TRIO: variants seen among roughly 807,000 people sequenced by gnomAD.
TRIO encodes the protein trio Rho guanine nucleotide exchange factor, also known as triple functional domain protein.
In TRIO, 58 loss-of-function variants were observed where a neutral mutation model predicts 351.9. That is an observed-to-expected ratio of 0.16 (90% CI 0.13 to 0.21). The LOEUF (loss-of-function observed/expected upper bound fraction) is 0.21. TRIO is among the 10% of genes least tolerant of loss of function. The probability of loss-of-function intolerance (pLI) is 1.00; values close to 1 mark genes in which losing one functional copy is unlikely to be tolerated. For synonymous variants in TRIO, 1,758 were observed against 1,595.7 expected, an observed-to-expected ratio of 1.10 and a Z score of -2.42; for missense variants, 3,201 against 4,027.8, an observed-to-expected ratio of 0.79 and a Z score of 5.56.
intron 17 of TRIO, 132 bp from the exon 18 acceptor site, chr5:14,369,242 T>C (rs1744864656): frequency 7.7e-7 from 1 of 1,299,582 alleles, no homozygotes; most frequent in African/African-American, 1.5e-5. Context: ...GTGGAGCCCA[T>C]GGCTCCTTCT....
chr5:14,418,402 G>T (rs1192293251), intron 33 of TRIO, among the ~76,000 whole-genome samples: 1 of 152,166 alleles, frequency 6.6e-6, no homozygotes, highest in Non-Finnish European at 1.5e-5. Flanking sequence ...AGCCCCTGCG[G>T]GACCCAGTGA....
chr5:14,289,109 C>T (rs1235000936), intron 4 of TRIO, among the ~76,000 whole-genome samples: 1 of 152,036 alleles, frequency 6.6e-6, no homozygotes, highest in African/African-American at 2.4e-5. Flanking sequence ...CAGGTGTGGC[C>T]GGGCGCGGTG....
chr5:14,157,537 C>CTCTCCCTG (rs1353814528), intron 1 of TRIO, among the ~76,000 whole-genome samples: 3 of 148,348 alleles, frequency 2.0e-5, no homozygotes, highest in African/African-American at 7.8e-5. Context: ...GTCTCCCTCT[C>CTCTCCCTG]TCTCCCTGTC....
chr5:14,425,756 G>A (rs572547685), intron 34 of TRIO, among the ~76,000 whole-genome samples: 25 of 152,286 alleles, frequency 1.6e-4, no homozygotes, highest in African/African-American at 5.5e-4. Context: ...GGCCCAGGGA[G>A]CCCTTTTGTC....
intron 8 of TRIO, among the ~76,000 whole-genome samples, chr5:14,315,322 G>A (rs186593544): frequency 1.3e-5 from 2 of 149,280 alleles, no homozygotes; most frequent in East Asian, 3.9e-4. Context: ...ACACGATCTC[G>A]GCTCACTGCA....
Position 14,476,963 on chromosome 5 carries a change from C to G in TRIO, c.6153C>G (p.His2051Gln). 2 of 1,612,926 alleles carry G rather than the reference C, an allele frequency of 1.2e-6. No homozygotes were observed. The highest frequency in any genetic ancestry group is 1.1e-5 in the South Asian group (1 of 90,948). The change falls in exon 41 of 57, where the codon CAC becomes CAG. Residue 2051 changes from histidine to glutamine, a missense_variant and splice_region_variant. Around this residue, in one of 19 missense-constraint regions of TRIO, gnomAD observed 307 missense variants for 396.5 expected, o/e 0.77. Coordinates refer to ENST00000344204, the MANE Select transcript of TRIO (RefSeq NM_007118.4). The part of the protein sequence containing the change: ...PEKLGSLFVK[H>Q]ERRLHMYIAY... ...AACTAGGATCCCTTTTTGTTAAACA[C>G]GTAAGCACAATAGCATTGCTTATAT...
chr5:14,310,614 G>C lies in TRIO; in HGVS notation c.1501-5899G>C, dbSNP rs181065412. Among the ~76,000 whole-genome samples the C allele has an allele frequency of 2.0e-5, 3 of 152,314 alleles. No individual in the cohort carries two copies. The East Asian group carries it at 5.8e-4, about 29-fold the overall frequency. On this transcript the variant is annotated intron_variant, in intron 8 of 56. Transcript: ENST00000344204. Reference sequence around the variant, plus strand: ...AACACACAGCAAAATGAGTCACCTGGATAGGAAACTTCTTAAAACCAAAAA... The same window carrying C: ...AACACACAGCAAAATGAGTCACCTGCATAGGAAACTTCTTAAAACCAAAAA...
intron 1 of TRIO, among the ~76,000 whole-genome samples, chr5:14,220,944 A>G (rs1380019143): frequency 1.3e-5 from 2 of 152,240 alleles, no homozygotes; most frequent in South Asian, 2.1e-4. Flanking sequence ...TTGGAAGAAG[A>G]TGCCATCTAG....
At position 14,230,340 on chromosome 5, in the gene TRIO, T is replaced by TTGTGTGTGTGTGTGTGTGTGTGTG. The variant is rs59717445; in HGVS notation, c.158-40473_158-40450dup. ...GAAATTGGAAAGTCAGGCAAGATGT[T>TTGTGTGTGTGTGTGTGTGTGTGTG]TGTGTGTGTGTGTGTGTGTGTGTGT... On this transcript the variant is annotated intron_variant, in intron 1 of 56. Transcript: ENST00000344204. Among the ~76,000 whole-genome samples the TTGTGTGTGTGTGTGTGTGTGTGTG allele has an allele frequency of 8.7e-5, 13 of 149,128 alleles. 1 individual carries two copies. Among genetic ancestry groups the TTGTGTGTGTGTGTGTGTGTGTGTG allele is most frequent in the African/African-American group, 3.0e-4 (12 of 39,898 alleles).
intron 40 of TRIO, among the ~76,000 whole-genome samples, chr5:14,476,260 A>C (rs1755065711): frequency 6.6e-6 from 1 of 152,242 alleles, no homozygotes; most frequent in African/African-American, 2.4e-5. Flanking sequence ...TTCACTCATT[A>C]TTCAGCCTAG....
chr5:14,487,007 A>G (rs984163070), intron 47 of TRIO, among the ~76,000 whole-genome samples: 8 of 152,188 alleles, frequency 5.3e-5, no homozygotes, highest in African/African-American at 1.9e-4. Context: ...AAGAGATGGG[A>G]CAGCCTCCCG....
At chr5:14,189,903 G>A (rs1235816778) in intron 1 of TRIO, among the ~76,000 whole-genome samples, 1 of 151,866 alleles carries the variant, frequency 6.6e-6, no homozygotes, top group Non-Finnish European at 1.5e-5. Flanking sequence ...TTTATTTTTT[G>A]TAGAGATGGG....
At chr5:14,392,630 C>T (rs774984581) in intron 27 of TRIO, among the ~76,000 whole-genome samples, 5 of 152,274 alleles carry the variant, frequency 3.3e-5, no homozygotes, top group South Asian at 2.1e-4. Flanking sequence ...CATGCACACA[C>T]GTTTATTGCG....
Position 14,169,102 on chromosome 5 carries a change from C to G in TRIO, c.157+25220C>G, listed in dbSNP as rs544119722. The stretch of plus-strand genomic sequence containing the variant: ...GAATGCATGGTTTAGGTTTCTCGTT[C>G]TTTGTGTTGGACAGAATTAAAGGGA... On this transcript the variant is annotated intron_variant, in intron 1 of 56. Transcript: ENST00000344204. Among the ~76,000 whole-genome samples, 4 of 151,006 alleles carry G rather than the reference C, an allele frequency of 2.6e-5. No individual in the cohort carries two copies. In the East Asian group the frequency reaches 5.8e-4, roughly 22 times the overall value.
At position 14,487,976 on chromosome 5, in the gene TRIO, C is replaced by A; in HGVS notation, c.7348C>A (p.Arg2450=). Reference sequence around the variant, plus strand: ...GGGCACCCTGCCGCTTGGGAAGCCCCGGGCCGGGGCCGCTTCGCCGCTGAA... The same window carrying A: ...GGGCACCCTGCCGCTTGGGAAGCCCAGGGCCGGGGCCGCTTCGCCGCTGAA... ...SLGTLPLGKP[R]AGAASPLNSP... The change falls in exon 48 of 57, where the codon CGG becomes AGG. Residue 2450 remains arginine (R), a synonymous_variant. Coordinates refer to ENST00000344204, the MANE Select transcript of TRIO (RefSeq NM_007118.4). 6.4e-7 allele frequency: 1 copy of A among 1,554,104 alleles called. No individual in the cohort carries two copies. Among genetic ancestry groups the A allele is most frequent in the East Asian group, 2.4e-5 (1 of 41,148 alleles).
rs746142541 is a variant in TRIO, at chr5:14,482,720, G to A, written c.6604G>A (p.Asp2202Asn). 1 of 1,610,240 alleles carries A rather than the reference G, an allele frequency of 6.2e-7. No individual in the cohort carries two copies. The highest frequency in any genetic ancestry group is 1.1e-5 in the South Asian group (1 of 90,596). Residue 2202 changes from aspartate to asparagine, a missense_variant, in exon 46 of 57, where the codon GAT becomes AAT. By Grantham distance (23) the Asp-to-Asn change is conservative. Transcript: ENST00000344204. The part of the protein sequence containing the change: ...EQIVIFSEPL[D>N]KKKGFSMPGF... ...GATCGTCATATTCAGCGAACCACTT[G>A]ATAAAAAGAAGGGCTTCTCCATGCC... is the stretch of plus-strand genomic sequence containing the variant.
In TRIO at chr5:14,485,229, A is replaced by G; in HGVS notation, c.6818A>G (p.Gln2273Arg). ...IHEINQILEN[Q>R]RNFLNALTSP... ...GAAATCAACCAAATTTTAGAAAACC[A>G]GCGCAATTTTTTAAATGGTAATGTG... The change falls in exon 47 of 57, where the codon CAG becomes CGG. Residue 2273 changes from glutamine to arginine, a missense_variant. Gln to Arg is a conservative substitution (Grantham distance 43). Transcript: ENST00000344204. The G allele has an allele frequency of 6.3e-7, 1 of 1,579,002 alleles. No homozygotes were observed. Among genetic ancestry groups the G allele is most frequent in the Non-Finnish European group, 8.7e-7 (1 of 1,155,422 alleles).
intron 1 of TRIO, among the ~76,000 whole-genome samples, chr5:14,145,438 G>T (rs1010802066): frequency 3.3e-5 from 5 of 151,982 alleles, no homozygotes; most frequent in Admixed American, 2.6e-4. Context: ...TCCTTGAGAA[G>T]TGCCTGCAGA....
At chr5:14,368,933 T>C in intron 17 of TRIO, 34 bp downstream of exon 17, 1 of 1,586,648 alleles carries the variant, frequency 6.3e-7, no homozygotes, top group Non-Finnish European at 8.6e-7. Flanking sequence ...TGAACTCCAC[T>C]GATACTTTAT....
Sources: gnomAD v4.1 joint callset for allele counts (sites outside exome capture counted in the v4.1 genomes callset) on GRCh38, gnomAD v4.1.1 for gene constraint, gnomAD v4.1.1 regional missense constraint, MANE v1.5 for transcripts, NCBI Gene and HGNC (gene_info 2026-07-23, HGNC 2026-07-21) for gene names.